Variants in COG2 observed in about 807,000 individuals in gnomAD.
COG2 encodes component of oligomeric golgi complex 2.
Under a neutral mutation model 90.6 loss-of-function variants are expected in COG2, and 52 were observed. The ratio of observed to expected loss-of-function variants is 0.57; its 90% CI spans 0.46 to 0.72. The LOEUF (loss-of-function observed/expected upper bound fraction) is 0.72, where lower values mean the gene tolerates loss of function less well. Ranked by LOEUF, COG2 falls within the 30% of genes least tolerant of loss-of-function variation. The probability of loss-of-function intolerance (pLI) is 0.00; values close to 1 mark genes in which losing one functional copy is unlikely to be tolerated. For synonymous variants in COG2, 337 were observed against 320.4 expected (o/e 1.05, Z -0.55); for missense variants, 829 against 891.2 (o/e 0.93, Z 0.89).
intron 3 of COG2, 126 bp downstream of exon 3, chr1:230,660,949 T>A (rs1234933664): frequency 1.6e-5 from 8 of 507,454 alleles, no homozygotes; most frequent in Non-Finnish European, 2.4e-5. Context: ...TTAGTAATTA[T>A]AATACTCATC....
At chr1:230,643,584 A>G (rs1661682254) in intron 1 of COG2, among the ~76,000 whole-genome samples, 2 of 67,934 alleles carry the variant, frequency 2.9e-5, no homozygotes, top group South Asian at 1.6e-3. Flanking sequence ...TCTTGGTGAC[A>G]TAATGTTTTC....
Position 230,693,536 on chromosome 1 carries a change from T to C in COG2, c.*143T>C, listed in dbSNP as rs1663094998. 3 of 542,130 alleles carry C rather than the reference T, an allele frequency of 5.5e-6. No individual in the cohort carries two copies. The highest frequency in any genetic ancestry group is 3.7e-5 in the Admixed American group (1 of 27,132). The allele number at this position is 542,130 out of a possible 1,614,324, so 33.6% of individuals were successfully genotyped here. A position where few individuals can be genotyped will look rare whatever the true frequency, so the allele number is the denominator to read the frequency against. On this transcript the variant is annotated 3_prime_UTR_variant, in exon 18 of 18. Coordinates refer to ENST00000366669, the MANE Select transcript of COG2 (RefSeq NM_007357.3). ...CAGCATCACTCCAGCAACACGCCCA[T>C]GCGTCTTCTCTCAGCGTATTTGGGT...
intron 1 of COG2, 160 bp downstream of exon 1, chr1:230,642,838 A>T (rs1029658972): frequency 1.5e-6 from 1 of 665,928 alleles, no homozygotes; most frequent in Non-Finnish European, 2.5e-6. Flanking sequence ...TTTTGGCGTC[A>T]GGTTTGGCGG....
chr1:230,688,643 G>A (rs574217200), intron 15 of COG2, 81 bp downstream of exon 15: 218 of 1,474,200 alleles, frequency 1.5e-4, no homozygotes, highest in Non-Finnish European at 1.9e-4. Context: ...GGAAGGAAGC[G>A]GCGGATTCCC....
At chr1:230,655,061 C>T (rs1662015740) in intron 1 of COG2, among the ~76,000 whole-genome samples, 1 of 152,182 alleles carries the variant, frequency 6.6e-6, no homozygotes, top group African/African-American at 2.4e-5. Context: ...ATTTGACTTC[C>T]TCTCTTCCTA....
rs994547383 is a variant in COG2 at position 230,688,510 on chromosome 1, G to C, written c.1742G>C (p.Gly581Ala). The change falls in exon 15 of 18, where the codon GGT becomes GCT. Residue 581 changes from glycine (G) to alanine (A), a missense_variant. Gly to Ala is a moderately conservative substitution (Grantham distance 60, BLOSUM62 0). Coordinates refer to ENST00000366669, the MANE Select transcript of COG2 (RefSeq NM_007357.3). ...CAGGATTTAAGTGACTCTTGCTTCG[G>C]TTTCCTAAAAAGCGCCCTGGAGGTT... ...IIQDLSDSCF[G>A]FLKSALEVPR... The C allele has an allele frequency of 6.2e-7, 1 of 1,614,138 alleles. No homozygotes were observed. The highest frequency in any genetic ancestry group is 1.7e-4 in the Middle Eastern group (1 of 6,058).
chr1:230,675,472 C>T (rs1662567069), intron 9 of COG2, among the ~76,000 whole-genome samples: 1 of 152,158 alleles, frequency 6.6e-6, no homozygotes, highest in Non-Finnish European at 1.5e-5. Context: ...TTGTACATCT[C>T]TGCCATATAA....
At chr1:230,682,074 T>G (rs1662762414) in intron 10 of COG2, 2 of 152,268 alleles carry the variant, frequency 1.3e-5, no homozygotes, top group South Asian at 2.1e-4. Flanking sequence ...AGCATCAAGC[T>G]TCCACATTAA....
chr1:230,645,338 G>A (rs531066790), intron 1 of COG2, among the ~76,000 whole-genome samples: 27 of 152,100 alleles, frequency 1.8e-4, no homozygotes, highest in Admixed American at 1.6e-3. Context: ...GGAGAGAGGT[G>A]GTAGGCTAAC....
At chr1:230,689,230 A>C (rs919763514) in intron 15 of COG2, among the ~76,000 whole-genome samples, 1 of 152,192 alleles carries the variant, frequency 6.6e-6, no homozygotes, top group African/African-American at 2.4e-5. Context: ...GATTTAAACT[A>C]TACTGAAGGA....
intron 1 of COG2, among the ~76,000 whole-genome samples, chr1:230,654,425 G>A (rs1171445059): frequency 1.3e-5 from 2 of 152,182 alleles, no homozygotes; most frequent in African/African-American, 4.8e-5. Context: ...GGTTGTAGAT[G>A]TGTGGTGTTA....
At chr1:230,653,225 T>G (rs1661957074) in intron 1 of COG2, among the ~76,000 whole-genome samples, 1 of 151,314 alleles carries the variant, frequency 6.6e-6, no homozygotes, top group South Asian at 2.1e-4. Flanking sequence ...TTTTTTGTTT[T>G]TTTTTTTTTT....
At chr1:230,654,270 C>A (rs578009474) in intron 1 of COG2, among the ~76,000 whole-genome samples, 19 of 152,290 alleles carry the variant, frequency 1.2e-4, no homozygotes, top group South Asian at 8.3e-4. Context: ...AGTCTTTAAT[C>A]CATCTTGAGT....
chr1:230,649,864 C>T (rs1296355735), intron 1 of COG2, among the ~76,000 whole-genome samples: 1 of 152,180 alleles, frequency 6.6e-6, no homozygotes, highest in African/African-American at 2.4e-5. Context: ...TTTCAGCCCT[C>T]ATCTTCCTCC....
chr1:230,659,957 C>T (rs111824299), intron 2 of COG2, among the ~76,000 whole-genome samples: 7 of 152,188 alleles, frequency 4.6e-5, no homozygotes, highest in African/African-American at 1.2e-4. Context: ...CAAATATCAA[C>T]TGTTCTTAAG....
chr1:230,691,642 G>A (rs1330737158), intron 17 of COG2, 78 bp downstream of exon 17: 26 of 1,343,282 alleles, frequency 1.9e-5, no homozygotes, highest in South Asian at 1.2e-4. Flanking sequence ...GGTGGCTCGC[G>A]TGATCCCAGA....
chr1:230,692,565 T>C (rs1663057262), intron 17 of COG2, among the ~76,000 whole-genome samples: 1 of 151,840 alleles, frequency 6.6e-6, no homozygotes, highest in Non-Finnish European at 1.5e-5. Context: ...TATAGAAACG[T>C]GAAGAGCCAA....
rs76741972 is a variant in COG2 at position 230,688,469 on chromosome 1, G to T, written c.1701G>T (p.Leu567Phe). 1.3e-5 allele frequency: 21 copies of T among 1,613,954 alleles called. No homozygotes were observed. Among genetic ancestry groups the T allele is most frequent in the Non-Finnish European group, 1.8e-5 (21 of 1,180,020 alleles). The change falls in exon 15 of 18, where the codon TTG becomes TTT. Residue 567 changes from leucine to phenylalanine, a missense_variant. Coordinates refer to ENST00000366669, the MANE Select transcript of COG2 (RefSeq NM_007357.3). ...CTTTTTCAGCCTGTGTGCCCTCCTTGAGTAGCAAGATCATCCAGGATTTAA... is the reference window on the plus strand; with the variant it reads ...CTTTTTCAGCCTGTGTGCCCTCCTTTAGTAGCAAGATCATCCAGGATTTAA... ...QSSFSACVPS[L>F]SSKIIQDLSD...
intron 8 of COG2, among the ~76,000 whole-genome samples, chr1:230,672,259 T>G (rs10864766): frequency 0.42 from 64,274 of 152,000 alleles, 13,859 homozygotes; most frequent in East Asian, 0.68. Context: ...TTCATGAATC[T>G]TTAGTGGCTT....
Sources: allele counts gnomAD v4.1 joint callset (sites outside exome capture counted in the v4.1 genomes callset), GRCh38; gene constraint gnomAD v4.1.1; transcripts MANE v1.5; gene names NCBI Gene and HGNC (gene_info 2026-07-23, HGNC 2026-07-21).